DNAH9: variants seen among roughly 807,000 people sequenced by gnomAD.
DNAH9 encodes dynein axonemal heavy chain 9, also known as DNAH9 variant protein.
In DNAH9, 345 loss-of-function variants were observed where a neutral mutation model predicts 471.6. The ratio of observed to expected loss-of-function variants is 0.73; its 90% CI spans 0.67 to 0.80. DNAH9 has a LOEUF of 0.80. Among genes scored for constraint, DNAH9 ranks in the 30% least tolerant of loss-of-function variants. The probability of loss-of-function intolerance (pLI) is 0.00; values close to 1 mark genes in which losing one functional copy is unlikely to be tolerated. For missense variants in DNAH9, 5,407 were observed against 5,609.2 expected (o/e 0.96, Z 1.15); for synonymous variants, 2,093 against 2,123.6 (o/e 0.99, Z 0.40).
At chr17:11,685,420 A>C (rs2074224411) in intron 19 of DNAH9, among the ~76,000 whole-genome samples, 1 of 152,180 alleles carries the variant, frequency 6.6e-6, no homozygotes, top group African/African-American at 2.4e-5. Flanking sequence ...CCATAATCTC[A>C]GCCACTGAGG....
chr17:11,742,075 G>T (rs750284511), intron 29 of DNAH9, 100 bp from the exon 30 acceptor site: 53 of 1,035,888 alleles, frequency 5.1e-5, no homozygotes, highest in Non-Finnish European at 7.2e-5. Flanking sequence ...ACTCACAGAT[G>T]CCTCCATGTG....
chr17:11,793,742 A>G, intron 42 of DNAH9, 78 bp downstream of exon 42: 1 of 1,223,500 alleles, frequency 8.2e-7, no homozygotes, highest in South Asian at 1.6e-5. Flanking sequence ...CAATGATAAA[A>G]TCTAGCTGTT....
At chr17:11,954,258 A>T (rs1465619688) in intron 67 of DNAH9, among the ~76,000 whole-genome samples, 3 of 152,146 alleles carry the variant, frequency 2.0e-5, no homozygotes, top group African/African-American at 7.2e-5. Flanking sequence ...GGCCAAAAAA[A>T]CTATTTGAAG....
intron 38 of DNAH9, among the ~76,000 whole-genome samples, chr17:11,775,595 C>CTTTTTTTTTTT (rs71142246): frequency 3.3e-5 from 2 of 61,014 alleles, no homozygotes; most frequent in African/African-American, 7.6e-5. Flanking sequence ...ATCAGATGTT[C>CTTTTTTTTTTT]TTTTTTTTTT....
chr17:11,761,567 C>CA (rs1967667426), intron 35 of DNAH9, among the ~76,000 whole-genome samples: 2 of 152,224 alleles, frequency 1.3e-5, no homozygotes, highest in Admixed American at 1.3e-4. Flanking sequence ...AGCACTCAGA[C>CA]AACCCCTGCT....
At chr17:11,842,892 G>A (rs1449908711) in intron 49 of DNAH9, among the ~76,000 whole-genome samples, 1 of 152,098 alleles carries the variant, frequency 6.6e-6, no homozygotes, top group Admixed American at 6.6e-5. Flanking sequence ...ACAATACTTT[G>A]CACCCTTCAA....
chr17:11,946,061 G>T (rs190047100), intron 67 of DNAH9, among the ~76,000 whole-genome samples: 1 of 151,858 alleles, frequency 6.6e-6, no homozygotes, highest in Non-Finnish European at 1.5e-5. Flanking sequence ...TTAGCCAGGC[G>T]TGGTGGCACG....
chr17:11,800,177 G>A (rs1033414132), intron 43 of DNAH9, among the ~76,000 whole-genome samples: 10 of 152,088 alleles, frequency 6.6e-5, no homozygotes, highest in Admixed American at 1.3e-4. Flanking sequence ...AGAGAATCTC[G>A]CGTCTTCCCG....
chr17:11,852,800 AAG>A (rs1491156757), intron 49 of DNAH9, among the ~76,000 whole-genome samples: 2 of 57,410 alleles, frequency 3.5e-5, no homozygotes, highest in Non-Finnish European at 7.6e-5. Flanking sequence ...ATATATAAGA[AAG>A]TGTGTGTGTG....
Position 11,647,088 on chromosome 17 carries a change from T to G in DNAH9, c.1987T>G (p.Tyr663Asp), listed in dbSNP as rs1440563002. 3.1e-6 allele frequency: 5 copies of G among 1,613,846 alleles called. No individual in the cohort carries two copies. The highest frequency in any genetic ancestry group is 4.2e-6 in the Non-Finnish European group (5 of 1,179,938). ...CCCTTGCAGGTATGAGACAAGACTT[T>G]ATGAGGATTGGTGCCGGACAGTATC... is the stretch of plus-strand genomic sequence containing the variant. ...SLLEKYETRL[Y>D]EDWCRTVSEK... The change falls in exon 12 of 69, where the codon TAT (tyrosine) becomes GAT (aspartate). Residue 663 changes from tyrosine (Y) to aspartate (D), a missense_variant. Physicochemically the swap from Tyr to Asp is radical, Grantham distance 160 (BLOSUM62 -3). Coordinates refer to ENST00000262442, the MANE Select transcript of DNAH9 (RefSeq NM_001372.4).
chr17:11,918,205 T>TTTTTGTTTTG (rs200370741), intron 61 of DNAH9, among the ~76,000 whole-genome samples: 3,315 of 147,838 alleles, frequency 0.022, 54 homozygotes, highest in African/African-American at 0.038. Context: ...GTTGGGTGTT[T>TTTTTGTTTTG]TTTTGTTTTG....
chr17:11,599,430 G>A (rs2072337422), intron 1 of DNAH9, among the ~76,000 whole-genome samples: 1 of 152,192 alleles, frequency 6.6e-6, no homozygotes, highest in Non-Finnish European at 1.5e-5. Context: ...AGTTAAATGG[G>A]AGGGGGAGGT....
At chr17:11,869,754 G>C (rs1349163242) in intron 51 of DNAH9, among the ~76,000 whole-genome samples, 1 of 152,194 alleles carries the variant, frequency 6.6e-6, no homozygotes, top group Non-Finnish European at 1.5e-5. Context: ...CTGCAGGTCA[G>C]GGCAGCGGTG....
At chr17:11,935,810 A>C (rs1414117787) in intron 65 of DNAH9, among the ~76,000 whole-genome samples, 1 of 152,046 alleles carries the variant, frequency 6.6e-6, no homozygotes, top group East Asian at 1.9e-4. Context: ...TTAATTCATT[A>C]AACTTAAGGG....
At chr17:11,701,803 C>T (rs2074603131) in intron 24 of DNAH9, among the ~76,000 whole-genome samples, 1 of 152,142 alleles carries the variant, frequency 6.6e-6, no homozygotes, top group South Asian at 2.1e-4. Flanking sequence ...CTCAGCCTCC[C>T]AGGTAGCTGT....
intron 27 of DNAH9, among the ~76,000 whole-genome samples, chr17:11,720,974 T>A (rs2075046511): frequency 6.6e-6 from 1 of 152,210 alleles, no homozygotes; most frequent in South Asian, 2.1e-4. Flanking sequence ...GTTCTAGATT[T>A]TTCTATAGTT....
At chr17:11,786,280 T>G (rs752739831) in intron 41 of DNAH9, among the ~76,000 whole-genome samples, 7 of 152,004 alleles carry the variant, frequency 4.6e-5, no homozygotes, top group Non-Finnish European at 8.8e-5. Context: ...GACATTGTTA[T>G]CCCAATTTAA....
At chr17:11,820,494 A>G (rs1242157324) in intron 45 of DNAH9, among the ~76,000 whole-genome samples, 1 of 151,870 alleles carries the variant, frequency 6.6e-6, no homozygotes, top group Non-Finnish European at 1.5e-5. Flanking sequence ...ATTTCTACAA[A>G]CAAAAAGTAA....
At chr17:11,654,137 C>T (rs1284047320) in intron 14 of DNAH9, among the ~76,000 whole-genome samples, 1 of 124,250 alleles carries the variant, frequency 8.0e-6, no homozygotes, top group Non-Finnish European at 1.8e-5. Context: ...GGGCGGATCA[C>T]GAGGTCAGGA....
Sources: allele counts gnomAD v4.1 joint callset (sites outside exome capture counted in the v4.1 genomes callset), GRCh38; gene constraint gnomAD v4.1.1; transcripts MANE v1.5; gene names NCBI Gene and HGNC (gene_info 2026-07-23, HGNC 2026-07-21).